The following CETP variants were observed in gnomAD, a reference collection of about 807,000 sequenced individuals.
The protein encoded by CETP is cholesteryl ester transfer protein, also known as BPI fold containing family F.
Under a neutral mutation model 66.5 loss-of-function variants are expected in CETP, and 56 were observed. The observed-to-expected ratio is 0.84, with a 90% CI of 0.68 to 1.05. The LOEUF (loss-of-function observed/expected upper bound fraction) is 1.05, where lower values mean the gene tolerates loss of function less well. Ranked by LOEUF, CETP falls within the 50% of genes least tolerant of loss-of-function variation. The probability of loss-of-function intolerance (pLI) is 0.00; values close to 1 mark genes in which losing one functional copy is unlikely to be tolerated. For missense variants in CETP, 612 were observed against 609.6 expected, an observed-to-expected ratio of 1.00 and a Z score of -0.04; for synonymous variants, 251 against 245.7, an observed-to-expected ratio of 1.02 and a Z score of -0.20.
At chr16:56,981,569 C>A in intron 12 of CETP, 78 bp from the exon 13 acceptor site, 1 of 1,505,010 alleles carries the variant, frequency 6.6e-7, no homozygotes, top group South Asian at 1.1e-5. Flanking sequence ...GGCTGCTATT[C>A]TTAGAGTTTC....
intron 11 of CETP, among the ~76,000 whole-genome samples, 176 bp from the exon 12 acceptor site, chr16:56,980,982 A>G (rs1216173944): frequency 2.0e-5 from 3 of 152,230 alleles, no homozygotes; most frequent in Non-Finnish European, 2.9e-5. Context: ...CCCCAAAGCC[A>G]CAGGTGCTGG....
chr16:56,978,284 T>G (rs756152268), intron 11 of CETP, 29 bp downstream of exon 11: 7 of 1,613,544 alleles, frequency 4.3e-6, no homozygotes, highest in African/African-American at 2.7e-5. Flanking sequence ...GAGGTGGTGG[T>G]GGGGGAACCT....
intron 8 of CETP, among the ~76,000 whole-genome samples, chr16:56,973,056 G>T (rs961138797): frequency 7.2e-5 from 11 of 152,222 alleles, no homozygotes; most frequent in African/African-American, 2.7e-4. Context: ...GTCACCAGCT[G>T]CCCTGACTAA....
chr16:56,980,248 T>C (rs1199831303), intron 11 of CETP, among the ~76,000 whole-genome samples: 2 of 152,148 alleles, frequency 1.3e-5, no homozygotes, highest in Admixed American at 1.3e-4. Flanking sequence ...TTTGTTGTTG[T>C]TTGTTTGTTT....
intron 11 of CETP, among the ~76,000 whole-genome samples, chr16:56,978,770 G>T (rs373564407): frequency 1.3e-4 from 20 of 152,128 alleles, no homozygotes; most frequent in African/African-American, 4.6e-4. Flanking sequence ...ATAGGCATGA[G>T]CCACCATGCC....
intron 10 of CETP, among the ~76,000 whole-genome samples, chr16:56,975,887 C>A (rs12720939): frequency 0.02 from 3,044 of 152,264 alleles, 86 homozygotes; most frequent in African/African-American, 0.065. Flanking sequence ...ACTTCCCCCC[C>A]ACGTCGCTGC....
At chr16:56,978,687 T>C (rs1289342240) in intron 11 of CETP, among the ~76,000 whole-genome samples, 2 of 152,148 alleles carry the variant, frequency 1.3e-5, no homozygotes, top group Non-Finnish European at 2.9e-5. Context: ...GGTCTTGTTA[T>C]GTTGTCCAGG....
Position 56,971,107 on chromosome 16 carries a change from G to A in CETP, c.597+5G>A, listed in dbSNP as rs746539100. On this transcript the variant is annotated splice_donor_5th_base_variant and intron_variant, in intron 6 of 15. Coordinates refer to ENST00000200676, the MANE Select transcript of CETP (RefSeq NM_000078.3). ...AAGCTGGTCCTGAAGGGACAGGTGA[G>A]TGAGGCTGGCTGACTCCCTGTGGTC... 5.6e-6 allele frequency: 9 copies of A among 1,613,680 alleles called. No homozygotes were observed. The East Asian group carries it at 1.8e-4, about 32-fold the overall frequency.
intron 2 of CETP, among the ~76,000 whole-genome samples, chr16:56,967,793 C>T (rs2056078625): frequency 6.6e-6 from 1 of 151,916 alleles, no homozygotes; most frequent in South Asian, 2.1e-4. Context: ...GAGACCCCCC[C>T]AATCTGCACA....
intron 2 of CETP, among the ~76,000 whole-genome samples, chr16:56,968,194 A>T (rs1192817535): frequency 2.0e-5 from 3 of 147,514 alleles, no homozygotes; most frequent in African/African-American, 7.4e-5. Context: ...TTGTCAATCT[A>T]TTTTTTTTTT....
chr16:56,980,957 C>T (rs757815761), intron 11 of CETP, among the ~76,000 whole-genome samples: 14 of 152,156 alleles, frequency 9.2e-5, no homozygotes, highest in Non-Finnish European at 1.3e-4. Flanking sequence ...AAGAAAGTGA[C>T]TTCTCAGGTC....
chr16:56,973,402 C>T lies in CETP; in HGVS notation c.822C>T (p.Asp274=), dbSNP rs2056127333. The T allele has an allele frequency of 6.2e-7, 1 of 1,614,226 alleles. No homozygotes were observed. Among genetic ancestry groups the T allele is most frequent in the Non-Finnish European group, 8.5e-7 (1 of 1,180,024 alleles). Residue 274 remains aspartate (D), a synonymous_variant, in exon 9 of 16, where the codon GAC becomes GAT. Coordinates refer to ENST00000200676, the MANE Select transcript of CETP (RefSeq NM_000078.3). ...LPTFSPTLLG[D]SRMLYFWFSE... ...CCTTCTCGCCCACACTGCTGGGGGA[C>T]TCCCGCATGCTGTACTTCTGGTTCT... is the stretch of plus-strand genomic sequence containing the variant.
In CETP at chr16:56,973,518, G is replaced by GT. The variant is rs2056128616; in HGVS notation, c.930+8_930+9insT. The GT allele has an allele frequency of 6.2e-7, 1 of 1,613,946 alleles. No individual in the cohort carries two copies. The highest frequency in any genetic ancestry group is 2.2e-5 in the East Asian group (1 of 44,902). On this transcript the variant is annotated intron_variant, in intron 9 of 15. Coordinates refer to ENST00000200676, the MANE Select transcript of CETP (RefSeq NM_000078.3). Reference sequence around the variant, plus strand: ...ATGGGAGACGAGTTCAAGGTGAGTGGGTGGGGCTGGGCTGCTAGGGGATCC... The same window carrying GT: ...ATGGGAGACGAGTTCAAGGTGAGTGGTGTGGGGCTGGGCTGCTAGGGGATCC...
At chr16:56,980,873 G>A (rs1020518116) in intron 11 of CETP, among the ~76,000 whole-genome samples, 1 of 152,230 alleles carries the variant, frequency 6.6e-6, no homozygotes, top group African/African-American at 2.4e-5. Context: ...AGTGAGCTGA[G>A]ATCGTGCCAC....
At chr16:56,977,032 C>T (rs2056154552) in intron 10 of CETP, among the ~76,000 whole-genome samples, 2 of 152,110 alleles carry the variant, frequency 1.3e-5, no homozygotes, top group East Asian at 1.9e-4. Context: ...CCTCAGCCTC[C>T]CGATTGGCTG....
At chr16:56,975,074 C>G in intron 9 of CETP, 27 bp from the exon 10 acceptor site, 1 of 1,612,504 alleles carries the variant, frequency 6.2e-7, no homozygotes. Flanking sequence ...ACTCCACCCA[C>G]CCTCCAACTT....
intron 15 of CETP, 25 bp from the exon 16 acceptor site, chr16:56,983,565 CCT>C: frequency 6.2e-7 from 1 of 1,613,738 alleles, no homozygotes; most frequent in South Asian, 1.1e-5. Context: ...CCAGCTCGCC[CCT>C]CTCTCCTACT....
chr16:56,969,361 C>T, intron 2 of CETP, 25 bp from the exon 3 acceptor site: 1 of 1,613,072 alleles, frequency 6.2e-7, no homozygotes, highest in Non-Finnish European at 8.5e-7. Context: ...CCCCAACATC[C>T]TTCCTCACTT....
chr16:56,983,259 G>A, intron 14 of CETP, 67 bp from the exon 15 acceptor site: 1 of 1,306,536 alleles, frequency 7.7e-7, no homozygotes, highest in Middle Eastern at 1.8e-4. Context: ...ACTACCCAGG[G>A]TGGCAGAGCC....
Sources: gnomAD v4.1 joint callset for allele counts (sites outside exome capture counted in the v4.1 genomes callset) on GRCh38, gnomAD v4.1.1 for gene constraint, MANE v1.5 for transcripts, NCBI Gene and HGNC (gene_info 2026-07-23, HGNC 2026-07-21) for gene names.